The following RALYL variants were observed in gnomAD, a reference collection of about 807,000 sequenced individuals.
The protein encoded by RALYL is RALY RNA binding protein like.
RALYL carries 29 observed loss-of-function variants against 35.1 expected under a neutral mutation model. The observed-to-expected ratio is 0.83, with a 90% CI of 0.61 to 1.13. RALYL has a LOEUF of 1.13. Ranked by LOEUF, RALYL falls within the 50% of genes most tolerant of loss-of-function variation. The pLI, the probability that RALYL is intolerant of heterozygous loss-of-function variation, is 0.00. For synonymous variants in RALYL, 120 were observed against 127.6 expected (o/e 0.94, Z 0.40); for missense variants, 359 against 360.4 (o/e 1.00, Z 0.03).
chr8:84,373,656 C>T (rs1270187952), intron 1 of RALYL, among the ~76,000 whole-genome samples: 2 of 151,972 alleles, frequency 1.3e-5, no homozygotes, highest in African/African-American at 2.4e-5. Flanking sequence ...TAGCGTGATG[C>T]CTCCGGGTTT....
At chr8:84,551,829 C>A (rs538905513) in intron 2 of RALYL, among the ~76,000 whole-genome samples, 4 of 151,962 alleles carry the variant, frequency 2.6e-5, no homozygotes, top group Non-Finnish European at 5.9e-5. Context: ...CCATTTTTAC[C>A]CTAGCTTGGA....
In RALYL at chr8:84,373,091, A is replaced by AT. The variant is rs375123842; in HGVS notation, c.-23-156199dup. ...CCTTTGCCCACTTTTTAATGGGGTT[A>AT]TTTTTTTTTCTTATGAATTTAAGTT... On this transcript the variant is annotated intron_variant, in intron 1 of 8. Coordinates refer to ENST00000521268, the MANE Select transcript of RALYL (RefSeq NM_173848.7). Among the ~76,000 whole-genome samples the AT allele has an allele frequency of 6.1e-5, 9 of 147,330 alleles. No homozygotes were observed. In the South Asian group the frequency reaches 1.3e-3, roughly 21 times the overall value.
At chr8:84,577,460 T>C (rs975123815) in intron 2 of RALYL, among the ~76,000 whole-genome samples, 4 of 152,204 alleles carry the variant, frequency 2.6e-5, no homozygotes, top group African/African-American at 9.7e-5. Flanking sequence ...AGAGCATTCA[T>C]GGGGTTTGAT....
chr8:84,437,368 T>C (rs1280829315), intron 1 of RALYL, among the ~76,000 whole-genome samples: 1 of 152,178 alleles, frequency 6.6e-6, no homozygotes, highest in African/African-American at 2.4e-5. Context: ...TTCTTTCAGA[T>C]ATCTACCCAG....
chr8:84,631,550 T>G (rs1823908573), intron 2 of RALYL, among the ~76,000 whole-genome samples: 1 of 151,906 alleles, frequency 6.6e-6, no homozygotes, highest in African/African-American at 2.4e-5. Context: ...ATTTTCAAGA[T>G]AGCACTGTTT....
chr8:84,522,732 T>G (rs1047267265), intron 1 of RALYL, among the ~76,000 whole-genome samples: 1 of 152,200 alleles, frequency 6.6e-6, no homozygotes, highest in African/African-American at 2.4e-5. Flanking sequence ...AGCTCTAGAC[T>G]TCAGCAGATT....
chr8:84,233,529 CT>C (rs1249958704), intron 1 of RALYL, among the ~76,000 whole-genome samples: 1 of 152,092 alleles, frequency 6.6e-6, no homozygotes, highest in African/African-American at 2.4e-5. Flanking sequence ...TAATCCTTGC[CT>C]TTTAAATTTG....
At chr8:84,195,418 G>A (rs940963439) in intron 1 of RALYL, among the ~76,000 whole-genome samples, 12 of 152,000 alleles carry the variant, frequency 7.9e-5, no homozygotes, top group Admixed American at 5.2e-4. Flanking sequence ...CCAGCCCAGC[G>A]ACAGAGCGAG....
chr8:84,901,448 A>G (rs1211095919), intron 8 of RALYL, among the ~76,000 whole-genome samples: 3 of 152,202 alleles, frequency 2.0e-5, no homozygotes, highest in African/African-American at 7.2e-5. Flanking sequence ...ACATTTGTCA[A>G]GTAAAAAACA....
intron 2 of RALYL, among the ~76,000 whole-genome samples, chr8:84,597,464 G>A (rs1414063975): frequency 6.6e-6 from 1 of 151,874 alleles, no homozygotes; most frequent in African/African-American, 2.4e-5. Flanking sequence ...TCCTTGTTCA[G>A]CCTCACATGA....
chr8:84,313,562 G>C (rs1361229295), intron 1 of RALYL, among the ~76,000 whole-genome samples: 8 of 152,094 alleles, frequency 5.3e-5, no homozygotes, highest in Non-Finnish European at 1.0e-4. Context: ...TTTGCTGCTT[G>C]GAAATTTCTT....
intron 1 of RALYL, among the ~76,000 whole-genome samples, chr8:84,471,574 C>A (rs1017113887): frequency 6.6e-6 from 1 of 151,980 alleles, no homozygotes; most frequent in Non-Finnish European, 1.5e-5. Flanking sequence ...ATAACAATAA[C>A]AGCAACAACA....
chr8:84,555,172 A>G (rs1358088538), intron 2 of RALYL, among the ~76,000 whole-genome samples: 2 of 152,242 alleles, frequency 1.3e-5, no homozygotes, highest in South Asian at 2.1e-4. Flanking sequence ...CCAGCTACTC[A>G]GGAGGCTGAG....
chr8:84,685,115 C>T (rs1331635290), intron 2 of RALYL, among the ~76,000 whole-genome samples: 1 of 152,088 alleles, frequency 6.6e-6, no homozygotes, highest in East Asian at 1.9e-4. Context: ...CTCCCAAAGG[C>T]CCCATTTCCA....
rs1815584454 is a variant in RALYL, at chr8:84,771,757, G to A, written c.257-2822G>A. 2.6e-5 allele frequency among the ~76,000 whole-genome samples: 4 copies of A among 151,918 alleles called. No individual in the cohort carries two copies. In the South Asian group the frequency reaches 8.3e-4, roughly 32 times the overall value. On this transcript the variant is annotated intron_variant, in intron 2 of 8. Coordinates refer to ENST00000521268, the MANE Select transcript of RALYL (RefSeq NM_173848.7). ...GTTTTGACTCTCTTTACTATGATAT[G>A]CATGAGTTTCCTATATATTCAAGAA...
intron 8 of RALYL, among the ~76,000 whole-genome samples, chr8:84,891,900 A>G (rs1843928073): frequency 6.6e-6 from 1 of 152,198 alleles, no homozygotes; most frequent in Non-Finnish European, 1.5e-5. Context: ...ATACAATATA[A>G]TTAGAGTTTT....
chr8:84,805,799 C>T lies in RALYL; in HGVS notation c.365+997C>T, dbSNP rs184338793. ...ATAAGCAATGTTGTTTGTATCTGAT[C>T]AAATACTCCTTTGACTAACATATTA... is the stretch of plus-strand genomic sequence containing the variant. On this transcript the variant is annotated intron_variant, in intron 4 of 8. Coordinates refer to ENST00000521268, the MANE Select transcript of RALYL (RefSeq NM_173848.7). Among the ~76,000 whole-genome samples, 5 of 152,286 alleles carry T rather than the reference C, an allele frequency of 3.3e-5. No individual in the cohort carries two copies. In the South Asian group the frequency reaches 8.3e-4, roughly 25 times the overall value.
chr8:84,851,518 T>A (rs1213878386), intron 5 of RALYL, among the ~76,000 whole-genome samples: 1 of 152,208 alleles, frequency 6.6e-6, no homozygotes, highest in East Asian at 1.9e-4. Flanking sequence ...TTTAAGCCTT[T>A]AATTATGAGT....
chr8:84,216,247 T>C (rs907507785), intron 1 of RALYL, among the ~76,000 whole-genome samples: 1 of 151,800 alleles, frequency 6.6e-6, no homozygotes, highest in African/African-American at 2.4e-5. Context: ...TGCAAAATTA[T>C]ACACTAAAAT....
Sources: gnomAD v4.1 joint callset for allele counts (sites outside exome capture counted in the v4.1 genomes callset) on GRCh38, gnomAD v4.1.1 for gene constraint, MANE v1.5 for transcripts, NCBI Gene and HGNC (gene_info 2026-07-23, HGNC 2026-07-21) for gene names.